The following AGBL4 variants were observed in gnomAD, a reference collection of about 807,000 sequenced individuals.
AGBL4 encodes cytosolic carboxypeptidase 6.
AGBL4 carries 58 observed loss-of-function variants against 66.4 expected under a neutral mutation model. The observed-to-expected ratio is 0.87, with a 90% CI of 0.71 to 1.09. AGBL4 has a LOEUF of 1.09. AGBL4 is among the 50% of genes least tolerant of loss of function. The pLI, the probability that AGBL4 is intolerant of heterozygous loss-of-function variation, is 0.00. For missense variants in AGBL4, 579 were observed against 631.0 expected (o/e 0.92, Z 0.88); for synonymous variants, 234 against 222.9 (o/e 1.05, Z -0.44).
chr1:48,575,683 CT>C (rs1644642257), intron 11 of AGBL4, among the ~76,000 whole-genome samples: 1 of 152,216 alleles, frequency 6.6e-6, no homozygotes, highest in Admixed American at 6.5e-5. Flanking sequence ...TCCTTCTAGA[CT>C]TGGTAAAAGT....
chr1:49,849,361 T>TTAC (rs1646242174), intron 2 of AGBL4, among the ~76,000 whole-genome samples: 1 of 150,712 alleles, frequency 6.6e-6, no homozygotes. Flanking sequence ...TAAATAATAT[T>TTAC]TACCCTTTCT....
chr1:49,313,297 C>T (rs780341613), intron 3 of AGBL4, among the ~76,000 whole-genome samples: 42 of 152,036 alleles, frequency 2.8e-4, no homozygotes, highest in Non-Finnish European at 4.3e-4. Flanking sequence ...AGGTTGATTC[C>T]AGGTCTTTGC....
At chr1:49,079,622 G>T (rs1367984177) in intron 4 of AGBL4, among the ~76,000 whole-genome samples, 1 of 152,072 alleles carries the variant, frequency 6.6e-6, no homozygotes, top group Non-Finnish European at 1.5e-5. Flanking sequence ...GATGAGATTT[G>T]GGTAGGGACA....
At chr1:49,336,842 G>A (rs1163834794) in intron 3 of AGBL4, among the ~76,000 whole-genome samples, 2 of 152,052 alleles carry the variant, frequency 1.3e-5, no homozygotes, top group Non-Finnish European at 2.9e-5. Flanking sequence ...AACTATAGCA[G>A]GTGCCCAATA....
chr1:49,702,392 G>A (rs1456335169), intron 2 of AGBL4, among the ~76,000 whole-genome samples: 3 of 152,098 alleles, frequency 2.0e-5, no homozygotes, highest in Non-Finnish European at 4.4e-5. Flanking sequence ...TCGGGAGGCT[G>A]AGGAAGGAGA....
intron 4 of AGBL4, among the ~76,000 whole-genome samples, chr1:49,161,520 T>C (rs1646542001): frequency 6.6e-6 from 1 of 152,210 alleles, no homozygotes; most frequent in South Asian, 2.1e-4. Context: ...AATCTCCCAA[T>C]GGCTATTTAA....
intron 3 of AGBL4, among the ~76,000 whole-genome samples, chr1:49,252,200 T>G (rs990345752): frequency 6.6e-6 from 1 of 151,976 alleles, no homozygotes; most frequent in Non-Finnish European, 1.5e-5. Context: ...ATAACCAGTA[T>G]AGAAAACAAC....
intron 3 of AGBL4, among the ~76,000 whole-genome samples, chr1:49,431,137 A>G (rs1263411080): frequency 6.6e-6 from 1 of 152,202 alleles, no homozygotes; most frequent in East Asian, 1.9e-4. Flanking sequence ...TCTGTTGAGT[A>G]TATACTACTA....
chr1:49,528,443 T>C (rs1050102178), intron 3 of AGBL4, among the ~76,000 whole-genome samples: 2 of 152,108 alleles, frequency 1.3e-5, no homozygotes, highest in Non-Finnish European at 2.9e-5. Flanking sequence ...CCAAGATCCC[T>C]CTGCTCTCTT....
intron 2 of AGBL4, among the ~76,000 whole-genome samples, chr1:49,751,295 G>T (rs1651441248): frequency 6.6e-6 from 1 of 151,990 alleles, no homozygotes; most frequent in Admixed American, 6.6e-5. Context: ...AGTATGAAGG[G>T]GTGTTGAATT....
chr1:49,496,517 ACCCAC>A (rs1383681213), intron 3 of AGBL4, among the ~76,000 whole-genome samples: 22 of 147,740 alleles, frequency 1.5e-4, no homozygotes, highest in Non-Finnish European at 3.0e-5. Context: ...CCAACATCTC[ACCCAC>A]CCCACCCCAC....
Position 49,631,462 on chromosome 1 carries a change from T to G in AGBL4, c.282+65851A>C, listed in dbSNP as rs1645568451. Among the ~76,000 whole-genome samples the G allele has an allele frequency of 5.3e-5, 8 of 152,238 alleles. No homozygotes were observed. The South Asian group carries it at 1.7e-3, about 32-fold the overall frequency. ...TAACTCCACAGTCCTTGTAGACATG[T>G]TTTTCTCCTATCTTTAAAATGCCCA... On this transcript the variant is annotated intron_variant, in intron 3 of 13. Coordinates refer to ENST00000371839, the MANE Select transcript of AGBL4 (RefSeq NM_032785.4).
rs1271184331 is a variant in AGBL4, at chr1:49,285,051, C to A, written c.283-39187G>T. ...ATAGACATCTACAGAACTCTCCACC[C>A]CAAATCAACAGAATATACATTTTTT... On this transcript the variant is annotated intron_variant, in intron 3 of 13. Coordinates refer to ENST00000371839, the MANE Select transcript of AGBL4 (RefSeq NM_032785.4). Among the ~76,000 whole-genome samples the A allele has an allele frequency of 1.3e-3, 189 of 150,688 alleles. 1 individual carries two copies. The East Asian group carries it at 0.014, about 11-fold the overall frequency.
intron 5 of AGBL4, among the ~76,000 whole-genome samples, chr1:48,964,347 A>AATTTAGCACACAGATTT (rs34344070): frequency 0.022 from 3,365 of 152,270 alleles, 126 homozygotes; most frequent in African/African-American, 0.074. Flanking sequence ...TTGCTCCTGT[A>AATTTAGCACACAGATTT]AGGTTTAGAA....
chr1:48,571,672 G>T (rs915295466), intron 11 of AGBL4, among the ~76,000 whole-genome samples: 2 of 152,218 alleles, frequency 1.3e-5, no homozygotes, highest in Non-Finnish European at 2.9e-5. Context: ...CTTTATTGTG[G>T]CAGGTGCTTT....
At chr1:48,594,782 C>T (rs1241355296) in intron 9 of AGBL4, among the ~76,000 whole-genome samples, 1 of 152,128 alleles carries the variant, frequency 6.6e-6, no homozygotes, top group African/African-American at 2.4e-5. Flanking sequence ...ACATTTCTAT[C>T]CCCCTTGCCA....
chr1:48,620,633 TAAGTTTA>T (rs1200039609), intron 9 of AGBL4, among the ~76,000 whole-genome samples: 4 of 152,196 alleles, frequency 2.6e-5, no homozygotes, highest in Admixed American at 6.5e-5. Context: ...TTAAAATGCT[TAAGTTTA>T]AAGATGGTGA....
At chr1:49,037,922 G>A (rs1199675572) in intron 5 of AGBL4, among the ~76,000 whole-genome samples, 1 of 151,936 alleles carries the variant, frequency 6.6e-6, no homozygotes, top group Non-Finnish European at 1.5e-5. Flanking sequence ...CATAGACTTG[G>A]CTTCAAACTC....
At chr1:49,040,309 GATA>G (rs1643905433) in intron 5 of AGBL4, among the ~76,000 whole-genome samples, 1 of 152,000 alleles carries the variant, frequency 6.6e-6, no homozygotes, top group Non-Finnish European at 1.5e-5. Flanking sequence ...AAAAATTACA[GATA>G]ATTCTAAGTG....
Sources: allele counts gnomAD v4.1 joint callset (sites outside exome capture counted in the v4.1 genomes callset), GRCh38; gene constraint gnomAD v4.1.1; transcripts MANE v1.5; gene names NCBI Gene and HGNC (gene_info 2026-07-23, HGNC 2026-07-21).